Variants in BORCS5 observed in about 807,000 individuals in gnomAD.
BORCS5 encodes the protein BLOC-1 related complex subunit 5.
Under a neutral mutation model 22.1 loss-of-function variants are expected in BORCS5, and 17 were observed. The observed-to-expected ratio is 0.77, with a 90% CI of 0.53 to 1.15. The LOEUF is 1.15. BORCS5 is among the 50% of genes most tolerant of loss of function. The probability of loss-of-function intolerance (pLI) is 0.00; values close to 1 mark genes in which losing one functional copy is unlikely to be tolerated. For synonymous variants in BORCS5, 117 were observed against 99.8 expected (o/e 1.17, Z -1.03); for missense variants, 247 against 253.2 (o/e 0.98, Z 0.17).
At chr12:12,433,455 A>T (rs1218365629) in intron 2 of BORCS5, among the ~76,000 whole-genome samples, 1 of 152,080 alleles carries the variant, frequency 6.6e-6, no homozygotes, top group Non-Finnish European at 1.5e-5. Flanking sequence ...CCTCAGCAAC[A>T]GAGGGAGATA....
At chr12:12,460,422 TATC>T (rs1439248875) in intron 3 of BORCS5, among the ~76,000 whole-genome samples, 1 of 152,224 alleles carries the variant, frequency 6.6e-6, no homozygotes, top group African/African-American at 2.4e-5. Flanking sequence ...CTAAGTGTAT[TATC>T]ATGTCATCTG....
rs771989856 is a variant in BORCS5, at chr12:12,357,523, C to G, written c.58+14C>G. The G allele has an allele frequency of 2.7e-5, 44 of 1,601,610 alleles. No individual in the cohort carries two copies. The highest frequency in any genetic ancestry group is 3.6e-5 in the Non-Finnish European group (42 of 1,170,288). ...TGAACTCCTCAGGTCGGTGTCCTAA[C>G]CTCCCACCCTCCTCCAGCCCGCCCT... On this transcript the variant is annotated intron_variant, in intron 1 of 3. Transcript: ENST00000314565.
chr12:12,415,432 C>T (rs1485879601), intron 2 of BORCS5, among the ~76,000 whole-genome samples: 46 of 150,776 alleles, frequency 3.1e-4, no homozygotes, highest in Non-Finnish European at 4.7e-4. Flanking sequence ...CGCCTGCAAT[C>T]GCAGGCACTC....
chr12:12,366,378 TAAGC>T lies in BORCS5; in HGVS notation c.202+5035_202+5038del, dbSNP rs577269099. Among the ~76,000 whole-genome samples, 14 of 152,364 alleles carry T rather than the reference TAAGC, an allele frequency of 9.2e-5. No individual in the cohort carries two copies. In the South Asian group the frequency reaches 1.4e-3, roughly 16 times the overall value. On this transcript the variant is annotated intron_variant, in intron 2 of 3. Transcript: ENST00000314565. ...ACTGAGGTAATGTTTGCATTTTTAA[TAAGC>T]AAGCAGATTCTTTCTTTGGCCTTAA...
chr12:12,390,478 T>C (rs893872288), intron 2 of BORCS5, among the ~76,000 whole-genome samples: 1 of 152,006 alleles, frequency 6.6e-6, no homozygotes, highest in Non-Finnish European at 1.5e-5. Flanking sequence ...GAAGGATAAC[T>C]AGAAATACAG....
chr12:12,396,246 C>T (rs974389076), intron 2 of BORCS5, among the ~76,000 whole-genome samples: 3 of 151,270 alleles, frequency 2.0e-5, no homozygotes, highest in African/African-American at 2.5e-5. Flanking sequence ...CTCGGCCTCC[C>T]GAAGTGCTAG....
Position 12,468,202 on chromosome 12 carries a change from C to A in BORCS5, c.*2426C>A, listed in dbSNP as rs1176394162. ...TAATTGCTCAAACCGCTTTCACAAT[C>A]CTCTCTTTCTACATCATTCCTAGTG... is the stretch of plus-strand genomic sequence containing the variant. On this transcript the variant is annotated 3_prime_UTR_variant, in exon 4 of 4. Coordinates refer to ENST00000314565, the MANE Select transcript of BORCS5 (RefSeq NM_058169.6). The A allele has an allele frequency of 1.3e-5, 2 of 152,224 alleles. No individual in the cohort carries two copies. The highest frequency in any genetic ancestry group is 2.9e-5 in the Non-Finnish European group (2 of 68,052). The allele number at this position is 152,224 out of a possible 1,614,324, so 9.4% of individuals were successfully genotyped here. A position where few individuals can be genotyped will look rare whatever the true frequency, so the allele number is the denominator to read the frequency against.
chr12:12,446,449 C>A lies in BORCS5; in HGVS notation c.360+10664C>A, dbSNP rs185366824. Among the ~76,000 whole-genome samples the A allele has an allele frequency of 8.1e-4, 124 of 152,246 alleles. 1 individual carries two copies. Among genetic ancestry groups the A allele is most frequent in the Non-Finnish European group, 1.5e-3 (105 of 68,022 alleles). ...ATCAGGTTATTTGACCAATGGCAAC[C>A]CCAAATCCCAAGATTCTGTTCTTTA... On this transcript the variant is annotated intron_variant, in intron 3 of 3. Transcript: ENST00000314565.
At chr12:12,442,397 G>C (rs920121634) in intron 3 of BORCS5, among the ~76,000 whole-genome samples, 6 of 152,186 alleles carry the variant, frequency 3.9e-5, no homozygotes, top group African/African-American at 1.4e-4. Context: ...TACAGTTCCT[G>C]TGTGCTTGCT....
At chr12:12,394,698 A>G (rs574203912) in intron 2 of BORCS5, among the ~76,000 whole-genome samples, 2 of 152,114 alleles carry the variant, frequency 1.3e-5, no homozygotes, top group East Asian at 1.9e-4. Context: ...TCTAGTATAG[A>G]AAACAAACCT....
intron 2 of BORCS5, among the ~76,000 whole-genome samples, chr12:12,368,358 C>G (rs1276732067): frequency 6.6e-6 from 1 of 151,512 alleles, no homozygotes; most frequent in African/African-American, 2.4e-5. Context: ...TTTGGAAAAA[C>G]AAGATTCTAA....
At chr12:12,445,377 T>TAACATGAC (rs1265929097) in intron 3 of BORCS5, among the ~76,000 whole-genome samples, 2 of 151,968 alleles carry the variant, frequency 1.3e-5, no homozygotes, top group Non-Finnish European at 2.9e-5. Context: ...AGACAGAAGG[T>TAACATGAC]AACATGACAG....
At chr12:12,455,145 A>G (rs924654647) in intron 3 of BORCS5, among the ~76,000 whole-genome samples, 5 of 152,232 alleles carry the variant, frequency 3.3e-5, no homozygotes. Flanking sequence ...TTACAATAAA[A>G]GAGCAGAATT....
Position 12,465,814 on chromosome 12 carries a change from A to G in BORCS5, c.*38A>G. The G allele has an allele frequency of 6.4e-7, 1 of 1,555,986 alleles. No homozygotes were observed. Among genetic ancestry groups the G allele is most frequent in the South Asian group, 1.1e-5 (1 of 89,012 alleles). On this transcript the variant is annotated 3_prime_UTR_variant, in exon 4 of 4. Coordinates refer to ENST00000314565, the MANE Select transcript of BORCS5 (RefSeq NM_058169.6). ...CTGCCTGGGGCTGGGAGCCCCAGAC[A>G]CCGACACCCTGAGGACGTGTGGAGC...
chr12:12,426,234 TG>T (rs1475106332), intron 2 of BORCS5, among the ~76,000 whole-genome samples: 1 of 152,188 alleles, frequency 6.6e-6, no homozygotes, highest in Admixed American at 6.5e-5. Context: ...GATGAGCAGT[TG>T]AACATTTACT....
At chr12:12,369,880 A>AT (rs1007019158) in intron 2 of BORCS5, among the ~76,000 whole-genome samples, 2 of 151,484 alleles carry the variant, frequency 1.3e-5, no homozygotes, top group Non-Finnish European at 2.9e-5. Flanking sequence ...GTGCGTCACC[A>AT]TGCCTGTCTA....
chr12:12,403,123 A>G (rs867942482), intron 2 of BORCS5, among the ~76,000 whole-genome samples: 3 of 151,566 alleles, frequency 2.0e-5, no homozygotes, highest in African/African-American at 2.4e-5. Flanking sequence ...TGTACAACCT[A>G]TTAGGGTAGG....
chr12:12,431,547 G>C (rs1337344110), intron 2 of BORCS5, among the ~76,000 whole-genome samples: 1 of 151,694 alleles, frequency 6.6e-6, no homozygotes, highest in East Asian at 1.9e-4. Context: ...GAATACAGGT[G>C]CCTGCCACCA....
chr12:12,362,252 C>T (rs1276241016), intron 2 of BORCS5, among the ~76,000 whole-genome samples: 4 of 152,168 alleles, frequency 2.6e-5, no homozygotes, highest in African/African-American at 4.8e-5. Context: ...CTGGCATACA[C>T]AGAGGTTGTA....
Sources: allele counts gnomAD v4.1 joint callset (sites outside exome capture counted in the v4.1 genomes callset), GRCh38; gene constraint gnomAD v4.1.1; transcripts MANE v1.5; gene names NCBI Gene and HGNC (gene_info 2026-07-23, HGNC 2026-07-21).